BNC2: variants seen among roughly 807,000 people sequenced by gnomAD.
BNC2 encodes the protein zinc finger protein basonuclin-2.
A neutral mutation model predicts 76.3 loss-of-function variants in BNC2; 20 were observed. That is an observed-to-expected ratio of 0.26 (90% CI 0.18 to 0.38). BNC2 has a LOEUF of 0.38. Among genes scored for constraint, BNC2 ranks in the 10% least tolerant of loss-of-function variants. The pLI is 1.00. For missense variants in BNC2, 1,382 were observed against 1,399.8 expected (o/e 0.99, Z 0.20); for synonymous variants, 582 against 514.8 (o/e 1.13, Z -1.77).
At chr9:16,709,296 G>A (rs1046096768) in intron 3 of BNC2, among the ~76,000 whole-genome samples, 39 of 152,202 alleles carry the variant, frequency 2.6e-4, no homozygotes, top group African/African-American at 4.8e-4. Flanking sequence ...TCCGTCAAAA[G>A]TGACACAGAA....
chr9:16,725,602 AGT>A lies in BNC2; in HGVS notation c.330+2193_330+2194del, dbSNP rs1587355332. On this transcript the variant is annotated intron_variant, in intron 3 of 6. Coordinates refer to ENST00000380672, the MANE Select transcript of BNC2 (RefSeq NM_017637.6). ...TTTCATAAATAGCATAATATTATAC[AGT>A]TTTAATAGCATCCATTAAGCATAAA... Among the ~76,000 whole-genome samples the A allele has an allele frequency of 3.3e-5, 5 of 152,268 alleles. No homozygotes were observed. The East Asian group carries it at 9.6e-4, about 29-fold the overall frequency.
At chr9:16,840,832 T>C (rs1342276244) in intron 1 of BNC2, among the ~76,000 whole-genome samples, 3 of 152,206 alleles carry the variant, frequency 2.0e-5, no homozygotes, top group South Asian at 4.1e-4. Context: ...ACCACATGTA[T>C]GCACTCAGAT....
intron 1 of BNC2, among the ~76,000 whole-genome samples, chr9:16,781,933 T>C (rs1183373677): frequency 1.3e-5 from 2 of 152,136 alleles, no homozygotes; most frequent in African/African-American, 4.8e-5. Context: ...CTGGTAAGGA[T>C]ATTTACAAAA....
chr9:16,616,543 T>G (rs1485191478), intron 3 of BNC2, among the ~76,000 whole-genome samples: 1 of 150,302 alleles, frequency 6.7e-6, no homozygotes, highest in Non-Finnish European at 1.5e-5. Context: ...CAAAAAAAAT[T>G]TTTTAAATTA....
rs569902446 is a variant in BNC2, at chr9:16,824,813, C to T, written c.3+45833G>A. Among the ~76,000 whole-genome samples the T allele has an allele frequency of 3.9e-5, 6 of 152,270 alleles. No individual in the cohort carries two copies. In the South Asian group the frequency reaches 6.2e-4, roughly 16 times the overall value. On this transcript the variant is annotated intron_variant, in intron 1 of 6. Coordinates refer to ENST00000380672, the MANE Select transcript of BNC2 (RefSeq NM_017637.6). ...ACAGCAGAGGCACAGTGAAAGAGAA[C>T]CCAAAGCCACAGATACAAGAGGACT...
intron 1 of BNC2, among the ~76,000 whole-genome samples, chr9:16,751,266 T>TAA (rs34351017): frequency 0.017 from 2,439 of 145,636 alleles, 61 homozygotes; most frequent in African/African-American, 0.055. Context: ...GAAAATGGTT[T>TAA]AAAAAAAAAA....
intron 3 of BNC2, among the ~76,000 whole-genome samples, chr9:16,665,477 A>G (rs1266692331): frequency 1.4e-5 from 2 of 143,824 alleles, no homozygotes; most frequent in African/African-American, 2.8e-5. Flanking sequence ...AAAGAAAGAA[A>G]GAAAGAAAGA....
At chr9:16,532,250 A>G (rs1454011590) in intron 5 of BNC2, among the ~76,000 whole-genome samples, 2 of 152,108 alleles carry the variant, frequency 1.3e-5, no homozygotes, top group Admixed American at 1.3e-4. Flanking sequence ...TAATTTTGCA[A>G]TGAAAATCTT....
At chr9:16,628,643 G>A (rs1340594617) in intron 3 of BNC2, among the ~76,000 whole-genome samples, 1 of 152,118 alleles carries the variant, frequency 6.6e-6, no homozygotes, top group Admixed American at 6.5e-5. Context: ...AGAGCAATTC[G>A]CAGATTATCA....
chr9:16,770,326 T>C (rs1363417978), intron 1 of BNC2, among the ~76,000 whole-genome samples: 1 of 152,180 alleles, frequency 6.6e-6, no homozygotes, highest in Non-Finnish European at 1.5e-5. Context: ...ATGGTGGTTA[T>C]GAAAAACCTC....
At chr9:16,684,227 T>C (rs1298123964) in intron 3 of BNC2, among the ~76,000 whole-genome samples, 5 of 152,120 alleles carry the variant, frequency 3.3e-5, no homozygotes, top group Non-Finnish European at 5.9e-5. Flanking sequence ...ACATCACTCG[T>C]CCTACCCAAA....
intron 4 of BNC2, among the ~76,000 whole-genome samples, chr9:16,565,633 C>A (rs867166922): frequency 2.6e-5 from 4 of 151,970 alleles, no homozygotes; most frequent in East Asian, 3.9e-4. Flanking sequence ...CACGGTGAGA[C>A]CCTGTCTCTA....
chr9:16,566,084 C>A (rs968535369), intron 4 of BNC2, among the ~76,000 whole-genome samples: 10 of 152,106 alleles, frequency 6.6e-5, no homozygotes, highest in African/African-American at 2.2e-4. Context: ...CCTTTTCTTT[C>A]CCGTTTCGAT....
At chr9:16,802,227 AAG>A (rs1024429809) in intron 1 of BNC2, among the ~76,000 whole-genome samples, 33 of 152,196 alleles carry the variant, frequency 2.2e-4, no homozygotes, top group African/African-American at 7.7e-4. Flanking sequence ...TAGCATGAAG[AAG>A]AGAGATAGTA....
At chr9:16,854,677 G>C (rs1026325683) in intron 1 of BNC2, among the ~76,000 whole-genome samples, 1 of 152,026 alleles carries the variant, frequency 6.6e-6, no homozygotes, top group Non-Finnish European at 1.5e-5. Flanking sequence ...ACTGCCATCT[G>C]CATTAGATCC....
chr9:16,631,609 C>T (rs896790804), intron 3 of BNC2, among the ~76,000 whole-genome samples: 7 of 152,192 alleles, frequency 4.6e-5, no homozygotes, highest in Admixed American at 2.0e-4. Flanking sequence ...ACTGAGAGGG[C>T]TGGTATGAAC....
intron 5 of BNC2, among the ~76,000 whole-genome samples, chr9:16,546,972 C>T (rs1258803022): frequency 6.6e-6 from 1 of 152,164 alleles, no homozygotes; most frequent in Non-Finnish European, 1.5e-5. Flanking sequence ...TGCTGGGAAG[C>T]GAGTTACAGT....
chr9:16,723,807 T>A (rs906003745), intron 3 of BNC2, among the ~76,000 whole-genome samples: 10 of 152,072 alleles, frequency 6.6e-5, no homozygotes, highest in African/African-American at 1.9e-4. Flanking sequence ...CCCTCACCTA[T>A]CTAAAAAATG....
chr9:16,745,569 C>T (rs1193809653), intron 1 of BNC2, among the ~76,000 whole-genome samples: 3 of 152,152 alleles, frequency 2.0e-5, no homozygotes, highest in Non-Finnish European at 4.4e-5. Flanking sequence ...ACTTGCCTGG[C>T]CACTATTGCC....
Sources: allele counts gnomAD v4.1 joint callset (sites outside exome capture counted in the v4.1 genomes callset), GRCh38; gene constraint gnomAD v4.1.1; transcripts MANE v1.5; gene names NCBI Gene and HGNC (gene_info 2026-07-23, HGNC 2026-07-21).